Variants in OR2L13 observed in about 807,000 individuals in gnomAD.
The protein encoded by OR2L13 is olfactory receptor 2L13.
Under a neutral mutation model 15.3 loss-of-function variants are expected in OR2L13, and 14 were observed. The observed-to-expected ratio is 0.91, with a 90% CI of 0.60 to 1.43. The LOEUF (loss-of-function observed/expected upper bound fraction) is 1.43. Among genes scored for constraint, OR2L13 ranks in the 40% most tolerant of loss-of-function variants. The pLI, the probability that OR2L13 is intolerant of heterozygous loss-of-function variation, is 0.00. For synonymous variants in OR2L13, 152 were observed against 142.9 expected (o/e 1.06, Z -0.45); for missense variants, 367 against 387.9 (o/e 0.95, Z 0.45).
the OR2L13 span, among the ~76,000 whole-genome samples, chr1:248,031,751 A>C: frequency 6.6e-6 from 1 of 152,136 alleles, no homozygotes; most frequent in Non-Finnish European, 1.5e-5. Context: ...TCTGGTGGAG[A>C]GTGTAAAGGA....
chr1:247,986,489 G>C, the OR2L13 span, among the ~76,000 whole-genome samples: 1 of 152,182 alleles, frequency 6.6e-6, no homozygotes, highest in South Asian at 2.1e-4. Flanking sequence ...TTCGGTACCA[G>C]TACCATGCTG....
At chr1:247,941,631 GAT>G in the OR2L13 span, among the ~76,000 whole-genome samples, 4 of 152,124 alleles carry the variant, frequency 2.6e-5, no homozygotes, top group African/African-American at 9.7e-5. Flanking sequence ...AATGGAGAGA[GAT>G]AGAGAAAAAG....
chr1:247,958,074 C>G, the OR2L13 span, among the ~76,000 whole-genome samples: 2 of 152,088 alleles, frequency 1.3e-5, no homozygotes, highest in African/African-American at 4.8e-5. Context: ...CTCTTGTGGG[C>G]ATTTAGTGCT....
chr1:248,050,442 C>A, the OR2L13 span, among the ~76,000 whole-genome samples: 3 of 152,066 alleles, frequency 2.0e-5, no homozygotes, highest in Admixed American at 2.0e-4. Context: ...GCTGAGGCTG[C>A]TTTCCTGTCA....
chr1:248,099,679 T>G, exon 3 of OR2L13: 1 of 1,614,172 alleles, frequency 6.2e-7, no homozygotes, highest in Non-Finnish European at 8.5e-7. Context: ...GCAAAGCTTC[T>G]TCTTCCTGAC....
At chr1:247,981,480 C>T in the OR2L13 span, among the ~76,000 whole-genome samples, 1 of 152,092 alleles carries the variant, frequency 6.6e-6, no homozygotes, top group African/African-American at 2.4e-5. Flanking sequence ...CCAATTTGTG[C>T]AAAATTATAG....
the OR2L13 span, among the ~76,000 whole-genome samples, chr1:248,053,045 A>G: frequency 6.6e-6 from 1 of 151,976 alleles, no homozygotes; most frequent in Non-Finnish European, 1.5e-5. Context: ...GCACGTATCA[A>G]TCCATCACCT....
At chr1:248,010,814 C>T in the OR2L13 span, among the ~76,000 whole-genome samples, 4 of 90,184 alleles carry the variant, frequency 4.4e-5, no homozygotes, top group African/African-American at 1.3e-4. Context: ...GTAAATCTTC[C>T]TCCATCCCTT....
chr1:248,060,426 G>T, the OR2L13 span, among the ~76,000 whole-genome samples: 1 of 152,108 alleles, frequency 6.6e-6, no homozygotes, highest in African/African-American at 2.4e-5. Context: ...GACATAATTT[G>T]TATTATAGTA....
At chr1:247,941,627 G>A in the OR2L13 span, among the ~76,000 whole-genome samples, 1 of 152,102 alleles carries the variant, frequency 6.6e-6, no homozygotes, top group Admixed American at 6.5e-5. Flanking sequence ...GCCGAATGGA[G>A]AGAGATAGAG....
chr1:248,032,826 T>C, the OR2L13 span, among the ~76,000 whole-genome samples: 2 of 152,230 alleles, frequency 1.3e-5, no homozygotes, highest in African/African-American at 4.8e-5. Flanking sequence ...CATATAAGTA[T>C]GTTTTTGTGT....
the OR2L13 span, among the ~76,000 whole-genome samples, chr1:248,077,725 A>T: frequency 6.6e-6 from 1 of 152,222 alleles, no homozygotes; most frequent in Non-Finnish European, 1.5e-5. Context: ...AACTTCTGTT[A>T]AAGGGAGATT....
At chr1:248,038,880 T>C in the OR2L13 span, 1 of 1,614,182 alleles carries the variant, frequency 6.2e-7, no homozygotes, top group Non-Finnish European at 8.5e-7. Flanking sequence ...CAGCACCATC[T>C]TTCTTGTGCT....
upstream of OR2L13, among the ~76,000 whole-genome samples, chr1:248,095,607 C>CTTTTTGTTTTTTTTTTTT (rs1664715892): frequency 5.4e-5 from 2 of 37,292 alleles, no homozygotes; most frequent in African/African-American, 7.2e-5. Flanking sequence ...AAAGCTGCTG[C>CTTTTTGTTTTTTTTTTTT]TTTTTTTTTT....
upstream of OR2L13, among the ~76,000 whole-genome samples, chr1:248,090,196 G>GT (rs926176330): frequency 6.6e-6 from 1 of 152,088 alleles, no homozygotes; most frequent in Non-Finnish European, 1.5e-5. Flanking sequence ...GCTGACTTGA[G>GT]TTTCGTTTGG....
At chr1:247,949,094 G>A in the OR2L13 span, 1 of 1,613,924 alleles carries the variant, frequency 6.2e-7, no homozygotes, top group Non-Finnish European at 8.5e-7. Flanking sequence ...TTGTTCCTAA[G>A]ATGGCATCTG....
chr1:247,969,916 A>G, the OR2L13 span, among the ~76,000 whole-genome samples: 587 of 152,282 alleles, frequency 3.9e-3, 5 homozygotes, highest in African/African-American at 0.013. Context: ...GACTGAGTGC[A>G]TACAACATGG....
chr1:248,047,645 G>A, the OR2L13 span, among the ~76,000 whole-genome samples: 1 of 152,130 alleles, frequency 6.6e-6, no homozygotes, highest in Non-Finnish European at 1.5e-5. Flanking sequence ...CGGGACACAA[G>A]GTAAACTTCC....
At chr1:248,060,853 A>C in the OR2L13 span, 6 of 1,613,860 alleles carry the variant, frequency 3.7e-6, no homozygotes, top group Non-Finnish European at 5.1e-6. Flanking sequence ...CCACACACCC[A>C]TGTATTTCCT....
Sources: allele counts gnomAD v4.1 joint callset (sites outside exome capture counted in the v4.1 genomes callset), GRCh38; gene constraint gnomAD v4.1.1; transcripts MANE v1.5; gene names NCBI Gene and HGNC (gene_info 2026-07-23, HGNC 2026-07-21).